The following AP2S1 variants were observed in gnomAD, a reference collection of about 807,000 sequenced individuals.
AP2S1 encodes AP-2 complex subunit sigma.
A neutral mutation model predicts 21.0 loss-of-function variants in AP2S1; 6 were observed. The observed-to-expected ratio is 0.29, with a 90% CI of 0.16 to 0.56. The LOEUF (loss-of-function observed/expected upper bound fraction) is 0.56, where lower values mean the gene tolerates loss of function less well. AP2S1 is among the 20% of genes least tolerant of loss of function. The probability of loss-of-function intolerance (pLI) is 0.92; values close to 1 mark genes in which losing one functional copy is unlikely to be tolerated. For synonymous variants in AP2S1, 63 were observed against 74.6 expected (o/e 0.84, Z 0.80); for missense variants, 60 against 186.2 (o/e 0.32, Z 3.95).
intron 1 of AP2S1, among the ~76,000 whole-genome samples, chr19:46,849,169 CTTAT>C (rs933032353): frequency 6.6e-6 from 1 of 151,478 alleles, no homozygotes; most frequent in Non-Finnish European, 1.5e-5. Flanking sequence ...CCACACCTGG[CTTAT>C]TTTTGTATTT....
rs312187 is a variant in AP2S1, at chr19:46,838,982, A to T, written c.268-183T>A. Among the ~76,000 whole-genome samples the T allele has an allele frequency of 0.24, 36,996 of 151,642 alleles. 5,781 individuals carry two copies. The highest frequency in any genetic ancestry group is 0.51 in the East Asian group (2,593 of 5,126). ...CACACAGAGAGAAACAAAAGCAAAG[A>T]TCGATGCAAAGAGATGGCAAAAGGT... On this transcript the variant is annotated intron_variant, in intron 3 of 4. Transcript: ENST00000263270. This position sits in a 1 kb window ranked among gnomAD's most constrained non-coding sequence, Gnocchi z 4.1.
At chr19:46,840,384 A>T (rs1474164472) in intron 2 of AP2S1, among the ~76,000 whole-genome samples, 2 of 151,656 alleles carry the variant, frequency 1.3e-5, no homozygotes, top group African/African-American at 4.8e-5. Context: ...AAAAAAAAAA[A>T]AAATCCCAGC....
rs923308642 is a variant in AP2S1, at chr19:46,838,664, G to C, written c.327+76C>G. ...GGACACAGACCTCAGCAGAGGCTCC[G>C]GGTGGCTAGTGCACCACGGGTCCCC... On this transcript the variant is annotated intron_variant, in intron 4 of 4. Transcript: ENST00000263270. The surrounding 1 kb of genome is among the most constrained non-coding windows in gnomAD (Gnocchi z 4.1). 3 of 1,571,952 alleles carry C rather than the reference G, an allele frequency of 1.9e-6. No homozygotes were observed. The highest frequency in any genetic ancestry group is 2.6e-6 in the Non-Finnish European group (3 of 1,143,554).
intron 2 of AP2S1, among the ~76,000 whole-genome samples, chr19:46,842,891 C>T (rs1319772792): frequency 6.6e-6 from 1 of 152,168 alleles, no homozygotes; most frequent in Non-Finnish European, 1.5e-5. Flanking sequence ...TCGGTCTATC[C>T]TCACTTCCCC....
chr19:46,845,281 C>G (rs926056607), intron 2 of AP2S1, among the ~76,000 whole-genome samples: 1 of 151,750 alleles, frequency 6.6e-6, no homozygotes, highest in Non-Finnish European at 1.5e-5. Context: ...TGGTGCACGC[C>G]TGTAATCCCA....
At chr19:46,850,716 G>A (rs1261122139) in intron 1 of AP2S1, 48 bp downstream of exon 1, 1 of 1,476,326 alleles carries the variant, frequency 6.8e-7, no homozygotes, top group African/African-American at 1.4e-5. Flanking sequence ...GGCTATTTAC[G>A]CGTGGGCCCC....
chr19:46,838,829 A>C lies in AP2S1; in HGVS notation c.268-30T>G, dbSNP rs756530179. On this transcript the variant is annotated intron_variant, in intron 3 of 4. Transcript: ENST00000263270. This position sits in a 1 kb window ranked among gnomAD's most constrained non-coding sequence, Gnocchi z 4.1. Reference sequence around the variant, plus strand: ...GAGAGGAAGGCAGAGATGGTAAGAGATGGGCAGGGAGAGAGCCACACACGC... The same window carrying C: ...GAGAGGAAGGCAGAGATGGTAAGAGCTGGGCAGGGAGAGAGCCACACACGC... 1.7e-5 allele frequency: 28 copies of C among 1,604,768 alleles called. No homozygotes were observed. The African/African-American group carries it at 3.2e-4, about 18-fold the overall frequency.
At position 46,838,519 on chromosome 19, in the gene AP2S1, C is replaced by T. The variant is rs751283401; in HGVS notation, c.357G>A (p.Leu119=). ...GGCTGGTCTCTCGGATTTCGCCAGCCAGGAACATCTCGTCCACGACCGTGT... is the reference window on the plus strand; with the variant it reads ...GGCTGGTCTCTCGGATTTCGCCAGCTAGGAACATCTCGTCCACGACCGTGT... ...KVYTVVDEMF[L]AGEIRETSQT... is the part of the protein sequence containing the mutation. Residue 119 remains leucine (L), a synonymous_variant, in exon 5 of 5, where the codon CTG becomes CTA. Transcript: ENST00000263270. The surrounding 1 kb of genome is among the most constrained non-coding windows in gnomAD (Gnocchi z 4.1). 1.9e-6 allele frequency: 3 copies of T among 1,614,100 alleles called. No homozygotes were observed. In the East Asian group the frequency reaches 6.7e-5, roughly 36 times the overall value.
At chr19:46,839,398 C>T in intron 3 of AP2S1, 67 bp downstream of exon 3, 1 of 1,577,080 alleles carries the variant, frequency 6.3e-7, no homozygotes. Context: ...GGAGGGTTCC[C>T]AGGCCTTGGG....
At chr19:46,839,355 G>A in intron 3 of AP2S1, 110 bp downstream of exon 3, 1 of 1,007,728 alleles carries the variant, frequency 9.9e-7, no homozygotes, top group Non-Finnish European at 1.5e-6. Flanking sequence ...GAGAGTCCCA[G>A]TCACTGCAGA....
intron 2 of AP2S1, among the ~76,000 whole-genome samples, chr19:46,845,015 A>C (rs1361337922): frequency 6.7e-6 from 1 of 148,374 alleles, no homozygotes; most frequent in African/African-American, 2.5e-5. Flanking sequence ...GGCAGAGAAT[A>C]GCTTGAACCC....
intron 2 of AP2S1, among the ~76,000 whole-genome samples, chr19:46,842,953 T>C (rs946832617): frequency 6.6e-6 from 1 of 152,102 alleles, no homozygotes; most frequent in Non-Finnish European, 1.5e-5. Flanking sequence ...GCCGTTTCCA[T>C]ATCCTACCCA....
chr19:46,849,811 G>A (rs2055705910), intron 1 of AP2S1, among the ~76,000 whole-genome samples: 1 of 151,758 alleles, frequency 6.6e-6, no homozygotes, highest in Non-Finnish European at 1.5e-5. Context: ...GACATCCCTT[G>A]TCCCACTCCC....
chr19:46,842,275 C>T (rs1311382442), intron 2 of AP2S1, among the ~76,000 whole-genome samples: 2 of 152,118 alleles, frequency 1.3e-5, no homozygotes, highest in Non-Finnish European at 2.9e-5. Context: ...CCAGGAAGCC[C>T]TCCAGACCCC....
At position 46,846,137 on chromosome 19, in the gene AP2S1, G is replaced by A. The variant is rs1281403558; in HGVS notation, c.9C>T (p.Arg3=). 5.0e-6 allele frequency: 8 copies of A among 1,613,994 alleles called. No individual in the cohort carries two copies. Among genetic ancestry groups the A allele is most frequent in the Non-Finnish European group, 6.8e-6 (8 of 1,180,018 alleles). The change falls in exon 2 of 5, where the codon CGC becomes CGT. Residue 3 remains arginine (R), a synonymous_variant. Coordinates refer to ENST00000263270, the MANE Select transcript of AP2S1 (RefSeq NM_004069.6). MI[R]FILIQNRAGK... is the part of the protein sequence containing the mutation. ...CTGCCCGGTTCTGGATGAGGATAAAGCGGATCTGGGGGCAGCAGGAGGAGA... is the reference window on the plus strand; with the variant it reads ...CTGCCCGGTTCTGGATGAGGATAAAACGGATCTGGGGGCAGCAGGAGGAGA...
Position 46,850,791 on chromosome 19 carries a change from G to A in AP2S1, c.-25C>T. 6.4e-7 allele frequency: 1 copy of A among 1,565,254 alleles called. No individual in the cohort carries two copies. Among genetic ancestry groups the A allele is most frequent in the Non-Finnish European group, 8.7e-7 (1 of 1,155,088 alleles). On this transcript the variant is annotated 5_prime_UTR_variant, in exon 1 of 5. Coordinates refer to ENST00000263270, the MANE Select transcript of AP2S1 (RefSeq NM_004069.6). ...TGGCGACCCCCGTCCAGACCCCAGC[G>A]GCCCCGGTCCCGCGGCGACTGGGCA...
chr19:46,842,600 G>A (rs1018968553), intron 2 of AP2S1, among the ~76,000 whole-genome samples: 8 of 152,002 alleles, frequency 5.3e-5, no homozygotes, highest in Admixed American at 2.6e-4. Flanking sequence ...CGGACTTTCC[G>A]GCTGCCCCTG....
chr19:46,845,654 C>CAA, intron 2 of AP2S1: 5 of 160,820 alleles, frequency 3.1e-5, no homozygotes, highest in Non-Finnish European at 5.2e-5. Flanking sequence ...AAAATTTGAC[C>CAA]AAAAAAAAAA....
Position 46,850,821 on chromosome 19 carries a change from C to A in AP2S1, c.-55G>T. The A allele has an allele frequency of 6.6e-7, 1 of 1,523,958 alleles. No individual in the cohort carries two copies. Among genetic ancestry groups the A allele is most frequent in the Non-Finnish European group, 8.8e-7 (1 of 1,133,178 alleles). 94.4% of individuals were successfully genotyped at this position (1,523,958 alleles called of 1,614,324 possible). On this transcript the variant is annotated 5_prime_UTR_variant, in exon 1 of 5. Coordinates refer to ENST00000263270, the MANE Select transcript of AP2S1 (RefSeq NM_004069.6). ...CGGTCCCGCGGCGACTGGGCAGCTC[C>A]GGCTCAGGGTGCAGTTGTAGGGCCC...
Sources: allele counts gnomAD v4.1 joint callset (sites outside exome capture counted in the v4.1 genomes callset), GRCh38; gene constraint gnomAD v4.1.1; non-coding constraint Gnocchi (gnomAD v3.1); transcripts MANE v1.5; gene names NCBI Gene and HGNC (gene_info 2026-07-23, HGNC 2026-07-21).